Variants in ZNF215 observed in about 807,000 individuals in gnomAD.
ZNF215 encodes the protein BWSCR2-associated zinc finger protein 2.
In ZNF215, 24 loss-of-function variants were observed where a neutral mutation model predicts 27.2. The observed-to-expected ratio is 0.88, with a 90% confidence interval of 0.64 to 1.24. ZNF215 has a LOEUF of 1.24. ZNF215 is among the 50% of genes most tolerant of loss of function. The pLI, the probability that ZNF215 is intolerant of heterozygous loss-of-function variation, is 0.00. For synonymous variants in ZNF215, 210 were observed against 204.0 expected, an observed-to-expected ratio of 1.03 and a Z score of -0.25; for missense variants, 675 against 605.7, an observed-to-expected ratio of 1.11 and a Z score of -1.20.
chr11:6,974,692 TTGTC>T (rs1482903040), intron 5 of ZNF215, among the ~76,000 whole-genome samples: 2 of 152,140 alleles, frequency 1.3e-5, no homozygotes, highest in African/African-American at 2.4e-5. Flanking sequence ...GGCTCTCTGT[TTGTC>T]TGTTATTGAT....
At chr11:6,950,954 T>C in intron 6 of ZNF215, among the ~76,000 whole-genome samples, 1 of 152,168 alleles carries the variant, frequency 6.6e-6, no homozygotes, top group East Asian at 1.9e-4. Flanking sequence ...GGTTGTTGAA[T>C]TTTGTCCAAG....
At position 6,955,143 on chromosome 11, in the gene ZNF215, T is replaced by C. The variant is rs534638526; in HGVS notation, c.713-547T>C. On this transcript the variant is annotated intron_variant, in intron 6 of 6. Coordinates refer to ENST00000278319, the MANE Select transcript of ZNF215 (RefSeq NM_013250.4). ...AGAAAAAGGACTTCCTGCTATCTTATATTAGAGTTCTTTTTGCCTTTGTTA... is the reference window on the plus strand; with the variant it reads ...AGAAAAAGGACTTCCTGCTATCTTACATTAGAGTTCTTTTTGCCTTTGTTA... 2.0e-5 allele frequency among the ~76,000 whole-genome samples: 3 copies of C among 152,294 alleles called. No individual in the cohort carries two copies. In the South Asian group the frequency reaches 6.2e-4, roughly 32 times the overall value.
At chr11:6,971,258 A>G (rs1249708525) in intron 5 of ZNF215, among the ~76,000 whole-genome samples, 1 of 152,208 alleles carries the variant, frequency 6.6e-6, no homozygotes, top group Non-Finnish European at 1.5e-5. Context: ...ATGTTAAAAA[A>G]TGTGTAAGTA....
intron 5 of ZNF215, among the ~76,000 whole-genome samples, chr11:6,974,845 C>T (rs1006957322): frequency 6.6e-6 from 1 of 152,078 alleles, no homozygotes; most frequent in African/African-American, 2.4e-5. Flanking sequence ...CAAACAGGGA[C>T]AATTTGACTT....
intron 3 of ZNF215, among the ~76,000 whole-genome samples, chr11:6,936,795 T>C (rs1373866959): frequency 6.6e-6 from 1 of 151,584 alleles, no homozygotes; most frequent in African/African-American, 2.4e-5. Flanking sequence ...ATCAGTGCTG[T>C]ACATCATATT....
intron 5 of ZNF215, among the ~76,000 whole-genome samples, chr11:6,975,674 T>C (rs982733857): frequency 2.0e-5 from 3 of 152,062 alleles, no homozygotes; most frequent in Admixed American, 2.0e-4. Flanking sequence ...TGCAAATGAC[T>C]GGATCTCATT....
chr11:6,950,264 T>G (rs1031735460), intron 6 of ZNF215, among the ~76,000 whole-genome samples: 14 of 147,760 alleles, frequency 9.5e-5, no homozygotes, highest in African/African-American at 2.5e-4. Context: ...TCCAATTCTG[T>G]GAAGAAAGTC....
chr11:6,957,366 A>T lies in ZNF215; in HGVS notation c.*835A>T, dbSNP rs1268692813. On this transcript the variant is annotated 3_prime_UTR_variant, in exon 7 of 7. Coordinates refer to ENST00000278319, the MANE Select transcript of ZNF215 (RefSeq NM_013250.4). ...TTAATTGACATATCTAAATTATCTC[A>T]GTCTGAGTTTGTGAGGAAGTGTGCC... 1 of 211,118 alleles carries T rather than the reference A, an allele frequency of 4.7e-6. No individual in the cohort carries two copies. The highest frequency in any genetic ancestry group is 6.5e-5 in the Admixed American group (1 of 15,360). The allele number at this position is 211,118 out of a possible 1,614,324, so 13.1% of individuals were successfully genotyped here.
intron 2 of ZNF215, among the ~76,000 whole-genome samples, chr11:6,931,329 T>A (rs1723885784): frequency 6.6e-6 from 1 of 152,212 alleles, no homozygotes; most frequent in Non-Finnish European, 1.5e-5. Context: ...GAGTGTTTCC[T>A]ACACCACGTT....
intron 3 of ZNF215, among the ~76,000 whole-genome samples, chr11:6,938,334 G>T (rs1849507350): frequency 6.6e-6 from 1 of 151,958 alleles, no homozygotes; most frequent in Non-Finnish European, 1.5e-5. Context: ...AAACGAATAG[G>T]GTTAGCTAGG....
At chr11:6,935,852 G>A (rs972705393) in intron 3 of ZNF215, among the ~76,000 whole-genome samples, 1 of 152,108 alleles carries the variant, frequency 6.6e-6, no homozygotes, top group Non-Finnish European at 1.5e-5. Flanking sequence ...ATCTCATGAA[G>A]TATCTTTTCC....
chr11:6,948,974 C>A (rs1415595208), intron 6 of ZNF215, among the ~76,000 whole-genome samples: 1 of 146,750 alleles, frequency 6.8e-6, no homozygotes, highest in African/African-American at 2.5e-5. Flanking sequence ...GTTCAATTCC[C>A]ACCTATGAGT....
intron 2 of ZNF215, among the ~76,000 whole-genome samples, chr11:6,928,257 A>T (rs1056554362): frequency 2.0e-5 from 3 of 152,126 alleles, no homozygotes; most frequent in African/African-American, 7.2e-5. Context: ...TTATTTATCT[A>T]TTAGGCTAAG....
chr11:6,939,917 G>A (rs767422918), intron 3 of ZNF215, among the ~76,000 whole-genome samples: 1 of 152,064 alleles, frequency 6.6e-6, no homozygotes, highest in Non-Finnish European at 1.5e-5. Flanking sequence ...TCCACAAAGT[G>A]TACAGACCTG....
intron 4 of ZNF215, among the ~76,000 whole-genome samples, chr11:6,942,164 G>A (rs960649719): frequency 6.6e-6 from 1 of 152,222 alleles, no homozygotes; most frequent in African/African-American, 2.4e-5. Context: ...CCAGACTGTG[G>A]TGTGTTGAGG....
chr11:6,959,485 A>G (rs1316344986), downstream of ZNF215, among the ~76,000 whole-genome samples: 2 of 152,244 alleles, frequency 1.3e-5, no homozygotes, highest in Admixed American at 6.5e-5. Flanking sequence ...ATAAAACTCC[A>G]AAGGAGGAGA....
intron 6 of ZNF215, among the ~76,000 whole-genome samples, chr11:6,949,807 C>T (rs991596062): frequency 1.1e-4 from 16 of 152,136 alleles, no homozygotes; most frequent in African/African-American, 2.9e-4. Flanking sequence ...AGTCCTTGCC[C>T]ACGCCTATGT....
chr11:6,971,378 A>G (rs1850715226), intron 5 of ZNF215, among the ~76,000 whole-genome samples: 1 of 152,128 alleles, frequency 6.6e-6, no homozygotes, highest in Non-Finnish European at 1.5e-5. Context: ...GCATTTACAT[A>G]GTTCTTTGGG....
At chr11:6,974,105 C>T (rs532303554) in intron 5 of ZNF215, among the ~76,000 whole-genome samples, 3 of 152,124 alleles carry the variant, frequency 2.0e-5, no homozygotes, top group Non-Finnish European at 2.9e-5. Flanking sequence ...TTTCAGCTTT[C>T]TACATATGGC....
Sources: allele counts gnomAD v4.1 joint callset (sites outside exome capture counted in the v4.1 genomes callset), GRCh38; gene constraint gnomAD v4.1.1; transcripts MANE v1.5; gene names NCBI Gene and HGNC (gene_info 2026-07-23, HGNC 2026-07-21).